The following DPP6 variants were observed in gnomAD, a reference collection of about 807,000 sequenced individuals.
DPP6 encodes the protein A-type potassium channel modulatory protein DPP6.
DPP6 carries 69 observed loss-of-function variants against 122.6 expected under a neutral mutation model. The observed-to-expected ratio is 0.56, with a 90% CI of 0.46 to 0.69. The LOEUF (loss-of-function observed/expected upper bound fraction) is 0.69, where lower values mean the gene tolerates loss of function less well. Ranked by LOEUF, DPP6 falls within the 30% of genes least tolerant of loss-of-function variation. The pLI is 0.00. For synonymous variants in DPP6, 418 were observed against 433.1 expected, an observed-to-expected ratio of 0.97 and a Z score of 0.43; for missense variants, 928 against 1,116.9, an observed-to-expected ratio of 0.83 and a Z score of 2.41.
At chr7:154,694,392 G>A (rs10271356) in intron 7 of DPP6, among the ~76,000 whole-genome samples, 138,541 of 152,198 alleles carry the variant, frequency 0.91, 63,598 homozygotes, top group South Asian at 1. Flanking sequence ...TGGGTGGATC[G>A]CTTGAGGTCA....
intron 8 of DPP6, among the ~76,000 whole-genome samples, chr7:154,742,478 A>C (rs1842859764): frequency 1.3e-5 from 2 of 152,232 alleles, no homozygotes. Flanking sequence ...GCATTAACTC[A>C]AGAGTTCATT....
At chr7:154,566,697 ATAT>A (rs746739513) in intron 4 of DPP6, 142 bp from the exon 5 acceptor site, 9 of 590,226 alleles carry the variant, frequency 1.5e-5, no homozygotes, top group Non-Finnish European at 2.4e-5. Flanking sequence ...AATTAGCTAA[ATAT>A]TATTCAGCTA....
intron 6 of DPP6, among the ~76,000 whole-genome samples, chr7:154,646,865 A>C (rs1180915997): frequency 6.6e-6 from 1 of 152,214 alleles, no homozygotes. Context: ...GAAGGTAGTC[A>C]GTGACTGGAA....
In DPP6 at chr7:154,801,446, C is replaced by G; in HGVS notation, c.1391C>G (p.Thr464Arg). ...QGGRGKFYHITVSSSQPNSSN... is the reference protein window; with the variant it reads ...QGGRGKFYHIRVSSSQPNSSN... ...GGACGAGGGAAATTCTATCACATCACGGTGTCCTCGTCCCAGGTAAGTCCT... is the reference window on the plus strand; with the variant it reads ...GGACGAGGGAAATTCTATCACATCAGGGTGTCCTCGTCCCAGGTAAGTCCT... Residue 464 changes from threonine to arginine, a missense_variant, in exon 13 of 26, where the codon ACG (threonine) becomes AGG (arginine). Physicochemically the swap from Thr to Arg is moderately conservative, Grantham distance 71. Coordinates refer to ENST00000377770, the MANE Select transcript of DPP6 (RefSeq NM_130797.4). The G allele has an allele frequency of 6.3e-7, 1 of 1,584,908 alleles. No homozygotes were observed. Among genetic ancestry groups the G allele is most frequent in the Non-Finnish European group, 8.6e-7 (1 of 1,164,322 alleles).
At chr7:153,991,275 AT>A (rs1797165945) in intron 1 of DPP6, among the ~76,000 whole-genome samples, 1 of 152,124 alleles carries the variant, frequency 6.6e-6, no homozygotes, top group African/African-American at 2.4e-5. Context: ...TAAAAAAAAA[AT>A]ACTTATATAT....
At chr7:154,650,014 G>A (rs1004189277) in intron 6 of DPP6, among the ~76,000 whole-genome samples, 1 of 152,092 alleles carries the variant, frequency 6.6e-6, no homozygotes, top group Admixed American at 6.5e-5. Context: ...AAGAGCAAAA[G>A]AAATAAAACA....
rs1040541734 is a variant in DPP6, at chr7:154,877,874, G to A, written c.2078+1774G>A. Among the ~76,000 whole-genome samples the A allele has an allele frequency of 5.3e-5, 8 of 152,298 alleles. No homozygotes were observed. In the East Asian group the frequency reaches 1.4e-3, roughly 26 times the overall value. Reference sequence around the variant, plus strand: ...GATGTGGGGTGACAAGGGAATGCTGGGGTTCAGTGTGGAAGGAGGATGGGT... The same window carrying A: ...GATGTGGGGTGACAAGGGAATGCTGAGGTTCAGTGTGGAAGGAGGATGGGT... On this transcript the variant is annotated intron_variant, in intron 20 of 25. Transcript: ENST00000377770. This position sits in a 1 kb window ranked among gnomAD's most constrained non-coding sequence, Gnocchi z 5.2.
intron 1 of DPP6, among the ~76,000 whole-genome samples, chr7:153,974,128 T>G (rs1796174484): frequency 6.6e-6 from 1 of 152,138 alleles, no homozygotes; most frequent in African/African-American, 2.4e-5. Context: ...ATCCGTGGGC[T>G]TTTTCTGTCC....
intron 1 of DPP6, among the ~76,000 whole-genome samples, chr7:153,904,133 C>T (rs1015349357): frequency 2.6e-5 from 4 of 152,200 alleles, no homozygotes; most frequent in African/African-American, 9.7e-5. Context: ...CTCACTGCAG[C>T]TTCCACCTCC....
intron 7 of DPP6, among the ~76,000 whole-genome samples, chr7:154,685,780 C>T (rs1839561354): frequency 6.6e-6 from 1 of 152,204 alleles, no homozygotes; most frequent in Non-Finnish European, 1.5e-5. Flanking sequence ...TGCTCCTGGT[C>T]AATTCAACTT....
At chr7:154,860,133 C>A (rs369040199) in intron 17 of DPP6, among the ~76,000 whole-genome samples, 1 of 152,196 alleles carries the variant, frequency 6.6e-6, no homozygotes, top group Non-Finnish European at 1.5e-5. Context: ...TGAAGCAACG[C>A]CAGATGCAGT....
intron 7 of DPP6, among the ~76,000 whole-genome samples, chr7:154,714,583 A>G (rs1841375092): frequency 6.6e-6 from 1 of 152,154 alleles, no homozygotes; most frequent in African/African-American, 2.4e-5. Flanking sequence ...AGGTCTTGTG[A>G]GAACTAACTC....
chr7:154,584,792 C>T (rs1832327423), intron 5 of DPP6, among the ~76,000 whole-genome samples: 1 of 152,212 alleles, frequency 6.6e-6, no homozygotes, highest in Non-Finnish European at 1.5e-5. Flanking sequence ...TACGATTACT[C>T]AGCTCAGAAA....
intron 3 of DPP6, among the ~76,000 whole-genome samples, chr7:154,480,020 C>T (rs1358062098): frequency 6.6e-6 from 1 of 152,004 alleles, no homozygotes; most frequent in African/African-American, 2.4e-5. Context: ...TCCCACCCCG[C>T]CCCTGCCCCG....
chr7:154,131,330 G>A (rs912879179), intron 1 of DPP6, among the ~76,000 whole-genome samples: 1 of 152,248 alleles, frequency 6.6e-6, no homozygotes, highest in Non-Finnish European at 1.5e-5. Flanking sequence ...AACGTCAGTT[G>A]TGACTGATAA....
At chr7:153,781,311 C>T in the DPP6 span, among the ~76,000 whole-genome samples, 837 of 152,240 alleles carry the variant, frequency 5.5e-3, 5 homozygotes, top group Middle Eastern at 0.017. Context: ...TGCTTCAATT[C>T]TTCACTAATC....
chr7:153,974,204 T>G (rs149084739), intron 1 of DPP6, among the ~76,000 whole-genome samples: 21,967 of 151,988 alleles, frequency 0.14, 1,739 homozygotes, highest in African/African-American at 0.2. Flanking sequence ...CTTGATGGGG[T>G]GTTTCAGGTA....
At chr7:154,385,411 A>G (rs965430726) in intron 1 of DPP6, among the ~76,000 whole-genome samples, 1 of 152,170 alleles carries the variant, frequency 6.6e-6, no homozygotes, top group Non-Finnish European at 1.5e-5. Flanking sequence ...AGTTCTGTGC[A>G]TCTGTGATCA....
At chr7:154,719,833 G>C (rs1841702113) in intron 7 of DPP6, among the ~76,000 whole-genome samples, 1 of 152,206 alleles carries the variant, frequency 6.6e-6, no homozygotes, top group African/African-American at 2.4e-5. Context: ...GATTGTCATT[G>C]CTCTGAAAAG....
Sources: gnomAD v4.1 joint callset for allele counts (sites outside exome capture counted in the v4.1 genomes callset) on GRCh38, gnomAD v4.1.1 for gene constraint, Gnocchi (gnomAD v3.1) non-coding constraint, MANE v1.5 for transcripts, NCBI Gene and HGNC (gene_info 2026-07-23, HGNC 2026-07-21) for gene names.